Variants in MTUS2 observed in about 807,000 individuals in gnomAD.
MTUS2 encodes microtubule associated scaffold protein 2, also known as microtubule-associated tumor suppressor candidate 2.
A neutral mutation model predicts 114.1 loss-of-function variants in MTUS2; 40 were observed. That is an observed-to-expected ratio of 0.35 (90% CI 0.27 to 0.46). The LOEUF is 0.46. Among genes scored for constraint, MTUS2 ranks in the 20% least tolerant of loss-of-function variants. The pLI, the probability that MTUS2 is intolerant of heterozygous loss-of-function variation, is 1.00. For missense variants in MTUS2, 1,679 were observed against 1,705.4 expected (o/e 0.98, Z 0.27); for synonymous variants, 688 against 672.0 (o/e 1.02, Z -0.37).
At chr13:28,821,936 G>T (rs948013223) in intron 1 of MTUS2, among the ~76,000 whole-genome samples, 9 of 152,158 alleles carry the variant, frequency 5.9e-5, no homozygotes, top group African/African-American at 1.9e-4. Context: ...GTTTATTAGG[G>T]ACCCATAATT....
chr13:29,498,171 T>C (rs1260652651), intron 13 of MTUS2, among the ~76,000 whole-genome samples: 1 of 152,210 alleles, frequency 6.6e-6, no homozygotes, highest in Non-Finnish European at 1.5e-5. Flanking sequence ...GGAGTCAGAC[T>C]TGCCAGTGGT....
At chr13:29,206,832 C>T (rs9508316) in intron 5 of MTUS2, among the ~76,000 whole-genome samples, 69,236 of 151,980 alleles carry the variant, frequency 0.46, 17,889 homozygotes, top group Non-Finnish European at 0.56. Flanking sequence ...AGTTTGAAGT[C>T]AGGTAATGTG....
intron 2 of MTUS2, among the ~76,000 whole-genome samples, chr13:28,930,511 G>T (rs1285935283): frequency 6.6e-6 from 1 of 152,122 alleles, no homozygotes; most frequent in Non-Finnish European, 1.5e-5. Flanking sequence ...TAAATGTGTG[G>T]GTCCCTCTCT....
chr13:28,843,176 C>G (rs1875627178), intron 2 of MTUS2, among the ~76,000 whole-genome samples: 1 of 152,122 alleles, frequency 6.6e-6, no homozygotes, highest in Non-Finnish European at 1.5e-5. Flanking sequence ...CCAGGGGAAT[C>G]CTAGAACTAA....
chr13:29,388,690 A>G (rs940921239), intron 8 of MTUS2, among the ~76,000 whole-genome samples: 1 of 152,002 alleles, frequency 6.6e-6, no homozygotes, highest in Non-Finnish European at 1.5e-5. Context: ...ATTTAAAAAA[A>G]TTTAAAATAA....
intron 5 of MTUS2, among the ~76,000 whole-genome samples, chr13:29,168,086 G>T (rs1292562656): frequency 6.6e-6 from 1 of 152,046 alleles, no homozygotes; most frequent in African/African-American, 2.4e-5. Context: ...TATTAATTTT[G>T]AAACAAGCCA....
At chr13:28,900,105 C>T (rs1360288759) in intron 2 of MTUS2, among the ~76,000 whole-genome samples, 1 of 152,092 alleles carries the variant, frequency 6.6e-6, no homozygotes, top group Non-Finnish European at 1.5e-5. Context: ...CCAGGTTGGC[C>T]TCGAACTCCT....
intron 5 of MTUS2, among the ~76,000 whole-genome samples, chr13:29,228,055 C>G (rs1253015893): frequency 6.6e-6 from 1 of 152,000 alleles, no homozygotes; most frequent in African/African-American, 2.4e-5. Context: ...TTTCACCCAG[C>G]AATCTTACTC....
intron 1 of MTUS2, 50 bp downstream of exon 1, chr13:28,820,661 G>C (rs1288218875): frequency 6.6e-6 from 1 of 152,208 alleles, no homozygotes; most frequent in Admixed American, 6.5e-5. Context: ...TGGCTCTGCT[G>C]CCGCCCTCTG....
intron 2 of MTUS2, among the ~76,000 whole-genome samples, chr13:28,957,441 G>A (rs1883122977): frequency 1.3e-5 from 2 of 151,982 alleles, no homozygotes; most frequent in South Asian, 4.1e-4. Context: ...ATCCAACTGT[G>A]GATTGAAAAT....
In MTUS2 at chr13:29,025,003, C is replaced by T; in HGVS notation, c.305C>T (p.Ser102Leu). The T allele has an allele frequency of 6.2e-7, 1 of 1,613,926 alleles. No individual in the cohort carries two copies. The highest frequency in any genetic ancestry group is 8.5e-7 in the Non-Finnish European group (1 of 1,179,884). ...AGCCTGAAAGATTTTAGACTTTCTTCAACCATTCAGAGGGAACTCAATGAA... is the reference window on the plus strand; with the variant it reads ...AGCCTGAAAGATTTTAGACTTTCTTTAACCATTCAGAGGGAACTCAATGAA... ...SASLKDFRLS[S>L]TIQRELNEEH... The change falls in exon 3 of 16, where the codon TCA (serine) becomes TTA (leucine). Residue 102 changes from serine (S) to leucine (L), a missense_variant. Coordinates refer to ENST00000612955, the MANE Select transcript of MTUS2 (RefSeq NM_001033602.4).
At chr13:29,332,515 A>C (rs1900830786) in intron 7 of MTUS2, among the ~76,000 whole-genome samples, 1 of 139,990 alleles carries the variant, frequency 7.1e-6, no homozygotes, top group African/African-American at 2.9e-5. Context: ...AAGCTCCTGG[A>C]TTCATTGATT....
chr13:29,278,109 A>G (rs1352119824), intron 5 of MTUS2, among the ~76,000 whole-genome samples: 1 of 152,198 alleles, frequency 6.6e-6, no homozygotes, highest in South Asian at 2.1e-4. Context: ...GCGGGCTGCT[A>G]TATAGAAAAC....
intron 5 of MTUS2, among the ~76,000 whole-genome samples, chr13:29,251,937 T>C (rs1315301530): frequency 6.6e-6 from 1 of 152,220 alleles, no homozygotes; most frequent in African/African-American, 2.4e-5. Context: ...TTTCAGTTCT[T>C]TGAGTATATA....
intron 2 of MTUS2, among the ~76,000 whole-genome samples, chr13:29,015,274 GA>G (rs1253446342): frequency 6.6e-6 from 1 of 152,098 alleles, no homozygotes; most frequent in East Asian, 1.9e-4. Flanking sequence ...TCCTGAGCAA[GA>G]AAAAAGTGTT....
At chr13:29,117,795 AAAATG>A (rs1206791688) in intron 5 of MTUS2, among the ~76,000 whole-genome samples, 7 of 152,196 alleles carry the variant, frequency 4.6e-5, no homozygotes, top group Non-Finnish European at 1.0e-4. Context: ...CTTTGATTAG[AAAATG>A]AAAAATGCCA....
chr13:29,422,830 C>T (rs1443393486), intron 8 of MTUS2, among the ~76,000 whole-genome samples: 1 of 151,932 alleles, frequency 6.6e-6, no homozygotes, highest in Admixed American at 6.5e-5. Context: ...CAGGGTTTCA[C>T]CCTGTTGGCC....
intron 2 of MTUS2, among the ~76,000 whole-genome samples, chr13:28,849,038 A>G (rs1288390407): frequency 6.6e-6 from 1 of 152,234 alleles, no homozygotes; most frequent in Non-Finnish European, 1.5e-5. Context: ...GATTTAATCC[A>G]TCAGATGAAT....
chr13:29,024,031 A>G (rs1359268767), intron 2 of MTUS2, among the ~76,000 whole-genome samples: 1 of 152,230 alleles, frequency 6.6e-6, no homozygotes, highest in Non-Finnish European at 1.5e-5. Context: ...TTCCCCAACA[A>G]TCTTTTACCC....
Sources: allele counts gnomAD v4.1 joint callset (sites outside exome capture counted in the v4.1 genomes callset), GRCh38; gene constraint gnomAD v4.1.1; transcripts MANE v1.5; gene names NCBI Gene and HGNC (gene_info 2026-07-23, HGNC 2026-07-21).